Variants in SKOR2 observed in about 807,000 individuals in gnomAD.
SKOR2 encodes the protein SKI family transcriptional corepressor 2, also known as LBX1 corepressor 1-like protein.
Under a neutral mutation model 69.1 loss-of-function variants are expected in SKOR2, and 47 were observed. The ratio of observed to expected loss-of-function variants is 0.68; its 90% CI spans 0.54 to 0.87. The LOEUF is 0.87. Among genes scored for constraint, SKOR2 ranks in the 40% least tolerant of loss-of-function variants. The pLI, the probability that SKOR2 is intolerant of heterozygous loss-of-function variation, is 0.00. For missense variants in SKOR2, 1,404 were observed against 1,472.2 expected (o/e 0.95, Z 0.76); for synonymous variants, 717 against 672.6 (o/e 1.07, Z -1.02).
In SKOR2 at chr18:47,247,369, C is replaced by A; in HGVS notation, c.1815G>T (p.Pro605=). 7.0e-7 allele frequency: 1 copy of A among 1,430,718 alleles called. No homozygotes were observed. Among genetic ancestry groups the A allele is most frequent in the South Asian group, 1.4e-5 (1 of 71,914 alleles). The allele number at this position is 1,430,718 out of a possible 1,614,324, so 88.6% of individuals were successfully genotyped here. A position where few individuals can be genotyped will look rare whatever the true frequency, so the allele number is the denominator to read the frequency against. The change falls in exon 2 of 9, where the codon CCG becomes CCT. Residue 605 remains proline (P), a synonymous_variant. Coordinates refer to ENST00000425639, the MANE Select transcript of SKOR2 (RefSeq NM_001278063.4). The surrounding 1 kb of genome is among the most constrained non-coding windows in gnomAD (Gnocchi z 6.6). ...AGSRVPAPHH[P]HLLEGRKAGG... is the part of the protein sequence containing the mutation. ...CCGCTTTGCGCCCCTCCAGAAGGTG[C>A]GGATGGTGGGGCGCCGGAACCCGGG...
At chr18:47,232,315 C>T (rs960732116) in intron 4 of SKOR2, among the ~76,000 whole-genome samples, 3 of 152,166 alleles carry the variant, frequency 2.0e-5, no homozygotes, top group Non-Finnish European at 4.4e-5. Context: ...ATTCCTATTT[C>T]GCTTACATGC....
chr18:47,248,629 C>T lies in SKOR2; in HGVS notation c.555G>A (p.Lys185=). 6.4e-7 allele frequency: 1 copy of T among 1,555,314 alleles called. No homozygotes were observed. The highest frequency in any genetic ancestry group is 8.7e-7 in the Non-Finnish European group (1 of 1,155,928). Residue 185 remains lysine, a synonymous_variant, in exon 2 of 9, where the codon AAG becomes AAA. Coordinates refer to ENST00000425639, the MANE Select transcript of SKOR2 (RefSeq NM_001278063.4). The surrounding 1 kb of genome is among the most constrained non-coding windows in gnomAD (Gnocchi z 6.4). ...GCGTGCGGTGGGAGTGGAAAATGAA[C>T]TTGTTGGGCGAGAAGTACATGTTGC... is the stretch of plus-strand genomic sequence containing the variant. The part of the protein sequence containing the change: ...SYCNMYFSPN[K]FIFHSHRTPD...
intron 6 of SKOR2, among the ~76,000 whole-genome samples, chr18:47,221,256 A>G (rs537498649): frequency 6.6e-6 from 1 of 152,242 alleles, no homozygotes; most frequent in African/African-American, 2.4e-5. Flanking sequence ...CCCAATCCCT[A>G]CTGTCACCTC....
In SKOR2 at chr18:47,246,815, C is replaced by G. The variant is rs944676533; in HGVS notation, c.2369G>C (p.Gly790Ala). 4 of 1,453,020 alleles carry G rather than the reference C, an allele frequency of 2.8e-6. No homozygotes were observed. In the African/African-American group the frequency reaches 5.9e-5, roughly 22 times the overall value. 90.0% of individuals were successfully genotyped at this position (1,453,020 alleles called of 1,614,324 possible). ...GCTCCCCTTCTCCGACGGCCCTCGG[C>G]CCTGGAGGAACCGGCCGCCCCCGAC... is the stretch of plus-strand genomic sequence containing the variant. ...PLVGGGRFLQ[G>A]RGPSEKGSSR... Residue 790 changes from glycine to alanine, a missense_variant, in exon 2 of 9, where the codon GGC becomes GCC. By Grantham distance (60) the Gly-to-Ala change is moderately conservative. This residue lies in a region of SKOR2 where 1,266 missense variants were observed against 1,309.9 expected (regional missense o/e 0.97). Transcript: ENST00000425639.
Position 47,249,201 on chromosome 18 carries a change from G to C in SKOR2, c.-18C>G. 1 of 1,530,586 alleles carries C rather than the reference G, an allele frequency of 6.5e-7. No homozygotes were observed. The highest frequency in any genetic ancestry group is 1.4e-5 in the African/African-American group (1 of 73,088). 94.8% of individuals were successfully genotyped at this position (1,530,586 alleles called of 1,614,324 possible). Reference sequence around the variant, plus strand: ...GAAGCCATCTCCGCCGCAGAACCCCGGGCCGAGCCCTACAGGTCTGCCTTG... The same window carrying C: ...GAAGCCATCTCCGCCGCAGAACCCCCGGCCGAGCCCTACAGGTCTGCCTTG... On this transcript the variant is annotated 5_prime_UTR_variant, in exon 2 of 9. Transcript: ENST00000425639.
chr18:47,244,139 T>C (rs2064260698), intron 4 of SKOR2, among the ~76,000 whole-genome samples: 1 of 152,228 alleles, frequency 6.6e-6, no homozygotes, highest in Non-Finnish European at 1.5e-5. Context: ...ATAAGATTCC[T>C]TTAAGATCCT....
At chr18:47,209,966 G>T (rs528161429) in intron 8 of SKOR2, among the ~76,000 whole-genome samples, 1 of 152,176 alleles carries the variant, frequency 6.6e-6, no homozygotes, top group South Asian at 2.1e-4. Flanking sequence ...TGGCGTGCAC[G>T]CCTATAATGC....
chr18:47,221,700 C>A (rs1299062531), intron 6 of SKOR2, among the ~76,000 whole-genome samples: 1 of 152,148 alleles, frequency 6.6e-6, no homozygotes, highest in East Asian at 1.9e-4. Flanking sequence ...TCTCCAGCAC[C>A]CTGTCCATAC....
chr18:47,245,423 G>A, intron 3 of SKOR2, 75 bp downstream of exon 3: 2 of 1,326,680 alleles, frequency 1.5e-6, no homozygotes, highest in Non-Finnish European at 2.0e-6. Flanking sequence ...AGGTGAGGAG[G>A]CTGGGCATAA....
chr18:47,227,926 A>G (rs780858325), intron 6 of SKOR2, among the ~76,000 whole-genome samples: 85 of 152,226 alleles, frequency 5.6e-4, no homozygotes, highest in African/African-American at 1.9e-3. Flanking sequence ...CTCACATGCT[A>G]CAGCTCCTAG....
intron 1 of SKOR2, among the ~76,000 whole-genome samples, chr18:47,250,602 A>G (rs900943521): frequency 6.6e-6 from 1 of 152,172 alleles, no homozygotes; most frequent in African/African-American, 2.4e-5. Context: ...TTACTCCCTC[A>G]CCCAATTTCT....
Position 47,248,369 on chromosome 18 carries a change from CCGGCCACCGCGGCCGCGG to C in SKOR2, c.797_814del (p.Ala266_Ala271del), listed in dbSNP as rs772061489. The C allele has an allele frequency of 9.8e-5, 126 of 1,288,758 alleles. 2 individuals are homozygous for C. Among genetic ancestry groups the C allele is most frequent in the Middle Eastern group, 5.2e-4 (2 of 3,852 alleles). The allele number at this position is 1,288,758 out of a possible 1,614,324, so 79.8% of individuals were successfully genotyped here. The stretch of plus-strand genomic sequence containing the variant: ...GTGGGGGCCCAGCAGACCCCCGCCT[CCGGCCACCGCGGCCGCGG>C]CGGCCACGGCGGCCGCCTTCACAGA... On this transcript the variant is annotated inframe_deletion, in exon 2 of 9. Coordinates refer to ENST00000425639, the MANE Select transcript of SKOR2 (RefSeq NM_001278063.4). The surrounding 1 kb of genome is among the most constrained non-coding windows in gnomAD (Gnocchi z 6.4).
chr18:47,230,173 T>A (rs2064192342), intron 6 of SKOR2, among the ~76,000 whole-genome samples: 1 of 151,694 alleles, frequency 6.6e-6, no homozygotes, highest in Admixed American at 6.6e-5. Context: ...TTAAATATAT[T>A]TACATATTTA....
chr18:47,245,883 C>T (rs529741717), intron 2 of SKOR2, among the ~76,000 whole-genome samples: 1 of 152,126 alleles, frequency 6.6e-6, no homozygotes, highest in Admixed American at 6.5e-5. Context: ...AGATTCACTT[C>T]GCCCTAAAGT....
chr18:47,227,983 C>T (rs1454510471), intron 6 of SKOR2, among the ~76,000 whole-genome samples: 1 of 152,220 alleles, frequency 6.6e-6, no homozygotes, highest in Non-Finnish European at 1.5e-5. Context: ...AGTGTGGTGA[C>T]TGTGAGCATC....
chr18:47,231,213 C>T, intron 4 of SKOR2: 1 of 1,519,668 alleles, frequency 6.6e-7, no homozygotes, highest in Non-Finnish European at 8.8e-7. Context: ...GCCTGCCTGG[C>T]CTGTGATGGC....
In SKOR2 at chr18:47,237,513, T is replaced by C. The variant is rs74894436; in HGVS notation, c.2753-6513A>G. On this transcript the variant is annotated intron_variant, in intron 4 of 8. Coordinates refer to ENST00000425639, the MANE Select transcript of SKOR2 (RefSeq NM_001278063.4). ...TAAACAGTTATCACTCTTCTCAAGC[T>C]GAACTCTGAATTCAATAAATAAGAG... 1.1e-3 allele frequency among the ~76,000 whole-genome samples: 165 copies of C among 152,328 alleles called. 2 individuals carry two copies. Among genetic ancestry groups the C allele is most frequent in the African/African-American group, 3.6e-3 (150 of 41,580 alleles).
intron 4 of SKOR2, among the ~76,000 whole-genome samples, chr18:47,241,361 C>T (rs1024722115): frequency 6.6e-5 from 10 of 152,134 alleles, no homozygotes; most frequent in African/African-American, 2.4e-4. Context: ...ATCTCTTTGG[C>T]TCATCTGAAT....
chr18:47,250,221 C>T (rs895020949), intron 1 of SKOR2, among the ~76,000 whole-genome samples: 4 of 152,164 alleles, frequency 2.6e-5, no homozygotes, highest in Non-Finnish European at 4.4e-5. Context: ...AAAGCTGCCC[C>T]ACCATACAGC....
Sources: gnomAD v4.1 joint callset for allele counts (sites outside exome capture counted in the v4.1 genomes callset) on GRCh38, gnomAD v4.1.1 for gene constraint, gnomAD v4.1.1 regional missense constraint, Gnocchi (gnomAD v3.1) non-coding constraint, MANE v1.5 for transcripts, NCBI Gene and HGNC (gene_info 2026-07-23, HGNC 2026-07-21) for gene names.